Variants in GNG7 observed in about 807,000 individuals in gnomAD.
GNG7 encodes the protein guanine nucleotide-binding protein G(I)/G(S)/G(O) subunit gamma-7.
A neutral mutation model predicts 4.0 loss-of-function variants in GNG7; 1 was observed. The ratio of observed to expected loss-of-function variants is 0.25; its 90% confidence interval spans 0.09 to 1.18. The LOEUF (loss-of-function observed/expected upper bound fraction) is 1.18. Ranked by LOEUF, GNG7 falls within the 50% of genes most tolerant of loss-of-function variation. The pLI is 0.50. For missense variants in GNG7, 86 were observed against 91.9 expected (o/e 0.94, Z 0.26); for synonymous variants, 34 against 36.9 (o/e 0.92, Z 0.29).
At position 2,513,581 on chromosome 19, in the gene GNG7, A is replaced by G; in HGVS notation, c.*1441T>C. ...GGGAGGAGTGGCCCATCCTGCGTCT[A>G]AGGCATCTCCCGGCCTCAGACAGCC... is the stretch of plus-strand genomic sequence containing the variant. On this transcript the variant is annotated 3_prime_UTR_variant, in exon 5 of 5. Transcript: ENST00000382159. 1 of 985,426 alleles carries G rather than the reference A, an allele frequency of 1.0e-6. No individual in the cohort carries two copies. The highest frequency in any genetic ancestry group is 1.2e-6 in the Non-Finnish European group (1 of 829,954). 61.0% of individuals were successfully genotyped at this position (985,426 alleles called of 1,614,324 possible). A position where few individuals can be genotyped will look rare whatever the true frequency, so the allele number is the denominator to read the frequency against.
rs955473216 is a variant in GNG7, at chr19:2,513,465, C to T, written c.*1557G>A. 36 of 972,034 alleles carry T rather than the reference C, an allele frequency of 3.7e-5. No individual in the cohort carries two copies. Among genetic ancestry groups the T allele is most frequent in the Non-Finnish European group, 4.3e-5 (35 of 817,844 alleles). 60.2% of individuals were successfully genotyped at this position (972,034 alleles called of 1,614,324 possible). A position where few individuals can be genotyped will look rare whatever the true frequency, so the allele number is the denominator to read the frequency against. On this transcript the variant is annotated 3_prime_UTR_variant, in exon 5 of 5. Coordinates refer to ENST00000382159, the MANE Select transcript of GNG7 (RefSeq NM_052847.3). ...GCAGGCCCTGGAAGATGTGGCTGCA[C>T]CTGCTCCCGTCCGTGCCGCAGAGGA...
Position 2,672,504 on chromosome 19 carries a change from T to A in GNG7, c.-134-26224A>T, listed in dbSNP as rs1415007528. On this transcript the variant is annotated intron_variant, in intron 1 of 4. Coordinates refer to ENST00000382159, the MANE Select transcript of GNG7 (RefSeq NM_052847.3). ...CTCTGTCATCCAGGCTGGAGTGCAG[T>A]GGTGCGATCTCAGCTCGCTGCAAAC... Among the ~76,000 whole-genome samples, 3 of 151,190 alleles carry A rather than the reference T, an allele frequency of 2.0e-5. 1 individual carries two copies. The highest frequency in any genetic ancestry group is 4.4e-5 in the Non-Finnish European group (3 of 67,846).
Position 2,549,404 on chromosome 19 carries a change from C to T in GNG7, c.-38+5745G>A, listed in dbSNP as rs569865626. 7.0e-4 allele frequency among the ~76,000 whole-genome samples: 107 copies of T among 151,950 alleles called. 1 individual carries two copies. Among genetic ancestry groups the T allele is most frequent in the African/African-American group, 2.4e-3 (100 of 41,434 alleles). On this transcript the variant is annotated intron_variant, in intron 3 of 4. Transcript: ENST00000382159. ...CCCCCTGGGTTCAAGCAATTCTCTG[C>T]CTCAGCCTCCTGAGTAGCTGAGATT...
chr19:2,580,772 T>A (rs888158271), intron 2 of GNG7, among the ~76,000 whole-genome samples: 6 of 146,150 alleles, frequency 4.1e-5, no homozygotes, highest in African/African-American at 1.5e-4. Context: ...AATTTTTACA[T>A]TTTTTTTTTT....
rs35399488 is a variant in GNG7, at chr19:2,663,352, C to CT, written c.-134-17073_-134-17072insA. 1.1e-3 allele frequency among the ~76,000 whole-genome samples: 164 copies of CT among 151,860 alleles called. 2 individuals are homozygous for CT. The highest frequency in any genetic ancestry group is 3.8e-3 in the African/African-American group (158 of 41,310). On this transcript the variant is annotated intron_variant, in intron 1 of 4. Transcript: ENST00000382159. ...TCACCCTTTCTCTCTCTCTCCCCCC[C>CT]CTCCTCTTTCTTCCCCAGTTCCCCA...
Position 2,634,705 on chromosome 19 carries a change from T to C in GNG7, c.-78+11519A>G, listed in dbSNP as rs1358039694. 6.6e-6 allele frequency among the ~76,000 whole-genome samples: 1 copy of C among 152,018 alleles called. No homozygotes were observed. Among genetic ancestry groups the C allele is most frequent in the African/African-American group, 2.4e-5 (1 of 41,366 alleles). ...TGGCAATTCTTTCAGGGGAACAACT[T>C]GTCCGCGAAAAGAACTGATAATAAC... On this transcript the variant is annotated intron_variant, in intron 2 of 4. Transcript: ENST00000382159. The surrounding 1 kb of genome is among the most constrained non-coding windows in gnomAD (Gnocchi z 5.3).
chr19:2,698,995 G>C (rs546265123), intron 1 of GNG7, among the ~76,000 whole-genome samples: 6 of 152,156 alleles, frequency 3.9e-5, no homozygotes, highest in Non-Finnish European at 8.8e-5. Flanking sequence ...TTTGAGCTTC[G>C]TTGGAAGCTT....
rs527673585 is a variant in GNG7 at position 2,669,666 on chromosome 19, C to T, written c.-134-23386G>A. ...AGAGTTGAGTGCCTGCAACGGAGAG[C>T]GCCTGGCTCAGAGCGTCGAAAATAT... On this transcript the variant is annotated intron_variant, in intron 1 of 4. Transcript: ENST00000382159. Among the ~76,000 whole-genome samples the T allele has an allele frequency of 3.9e-5, 6 of 152,064 alleles. No homozygotes were observed. The East Asian group carries it at 7.7e-4, about 20-fold the overall frequency.
intron 2 of GNG7, among the ~76,000 whole-genome samples, chr19:2,637,931 C>G (rs1366904955): frequency 6.6e-6 from 1 of 152,190 alleles, no homozygotes; most frequent in Non-Finnish European, 1.5e-5. Context: ...GGAGGCTGCA[C>G]ACATTGAAAT....
chr19:2,694,336 T>C (rs1490390875), intron 1 of GNG7, among the ~76,000 whole-genome samples: 2 of 152,056 alleles, frequency 1.3e-5, no homozygotes, highest in African/African-American at 2.4e-5. Context: ...TAGCCTGGTA[T>C]AGAGCAGTGG....
intron 1 of GNG7, among the ~76,000 whole-genome samples, chr19:2,666,826 G>A (rs1202100467): frequency 6.6e-6 from 1 of 152,222 alleles, no homozygotes; most frequent in Non-Finnish European, 1.5e-5. Flanking sequence ...AGGTGGCCTG[G>A]ATTTGCCCCC....
At chr19:2,554,935 A>T (rs1979500133) in intron 3 of GNG7, among the ~76,000 whole-genome samples, 1 of 152,178 alleles carries the variant, frequency 6.6e-6, no homozygotes, top group African/African-American at 2.4e-5. Context: ...TCCACTGCAG[A>T]CAGTTGACGC....
At chr19:2,656,847 T>G (rs907186216) in intron 1 of GNG7, among the ~76,000 whole-genome samples, 7 of 152,168 alleles carry the variant, frequency 4.6e-5, no homozygotes. Context: ...ATAATCCGTG[T>G]ACTAGAGTTA....
intron 1 of GNG7, among the ~76,000 whole-genome samples, chr19:2,672,487 T>A (rs536435840): frequency 4.3e-4 from 64 of 150,340 alleles, no homozygotes; most frequent in South Asian, 4.2e-4. Context: ...CACTCTGTCA[T>A]CCAGGCTGGA....
chr19:2,513,248 C>T lies in GNG7; in HGVS notation c.*1774G>A, dbSNP rs1406618368. 11 of 612,506 alleles carry T rather than the reference C, an allele frequency of 1.8e-5. No homozygotes were observed. Among genetic ancestry groups the T allele is most frequent in the Non-Finnish European group, 2.2e-5 (11 of 489,406 alleles). 37.9% of individuals were successfully genotyped at this position (612,506 alleles called of 1,614,324 possible). On this transcript the variant is annotated 3_prime_UTR_variant, in exon 5 of 5. Transcript: ENST00000382159. ...CACGGGCCTGCACGGAGGACCTGGG[C>T]GGCCGTCCAGGAACCCTCTCGGCAC...
chr19:2,686,710 T>G lies in GNG7; in HGVS notation c.-135+15936A>C, dbSNP rs192175245. Among the ~76,000 whole-genome samples, 16 of 151,910 alleles carry G rather than the reference T, an allele frequency of 1.1e-4. No individual in the cohort carries two copies. The East Asian group carries it at 2.7e-3, about 26-fold the overall frequency. ...AAACGATCCCAAGGAGCGGAGCCTT[T>G]GTAGGGTGGGGTCAAAAGAGACTTT... On this transcript the variant is annotated intron_variant, in intron 1 of 4. Coordinates refer to ENST00000382159, the MANE Select transcript of GNG7 (RefSeq NM_052847.3).
intron 4 of GNG7, among the ~76,000 whole-genome samples, chr19:2,517,510 G>A (rs1469328244): frequency 2.0e-5 from 3 of 151,928 alleles, no homozygotes; most frequent in South Asian, 2.1e-4. Context: ...GACTCCAGGC[G>A]CACGCCACCA....
intron 2 of GNG7, among the ~76,000 whole-genome samples, chr19:2,562,698 G>A (rs1032067516): frequency 1.4e-4 from 22 of 152,086 alleles, no homozygotes; most frequent in South Asian, 6.2e-4. Flanking sequence ...GGGGGGACAG[G>A]ATCGCTCCCA....
chr19:2,683,788 A>ACCGGCTCTTGCACAGGGACGGG (rs1011653497), intron 1 of GNG7: 1 of 152,334 alleles, frequency 6.6e-6, no homozygotes, highest in African/African-American at 2.4e-5. Flanking sequence ...CCTGGGGCTG[A>ACCGGCTCTTGCACAGGGACGGG]CCGGCTCTTG....
Sources: allele counts gnomAD v4.1 joint callset (sites outside exome capture counted in the v4.1 genomes callset), GRCh38; gene constraint gnomAD v4.1.1; non-coding constraint Gnocchi (gnomAD v3.1); transcripts MANE v1.5; gene names NCBI Gene and HGNC (gene_info 2026-07-23, HGNC 2026-07-21).